IL1RAPL2: variants seen among roughly 807,000 people sequenced by gnomAD.
IL1RAPL2 encodes interleukin 1 receptor accessory protein like 2.
A neutral mutation model predicts 44.1 loss-of-function variants in IL1RAPL2; 3 were observed. That is an observed-to-expected ratio of 0.07 (90% CI 0.03 to 0.18). The LOEUF is 0.18. Ranked by LOEUF, IL1RAPL2 falls within the 10% of genes least tolerant of loss-of-function variation. IL1RAPL2 has a pLI of 1.00. For missense variants in IL1RAPL2, 391 were observed against 496.4 expected (o/e 0.79, Z 2.02); for synonymous variants, 181 against 178.8 (o/e 1.01, Z -0.10).
chrX:105,327,181 T>G lies in IL1RAPL2; in HGVS notation c.697+59640T>G, dbSNP rs368754473. ...TTGTGTCCCTGCCATGCTCAGTCAT[T>G]GGCTGGGGGAAGCCTGTGGGACACA... is the stretch of plus-strand genomic sequence containing the variant. On this transcript the variant is annotated intron_variant, in intron 5 of 10. Transcript: ENST00000372582. Among the ~76,000 whole-genome samples the G allele has an allele frequency of 9.8e-5, 11 of 112,130 alleles. 2 individuals are homozygous for G. The highest frequency in any genetic ancestry group is 3.8e-4 in the Admixed American group (4 of 10,551).
chrX:104,805,426 T>C (rs1932915744), intron 2 of IL1RAPL2, among the ~76,000 whole-genome samples: 1 of 112,163 alleles, frequency 8.9e-6, no homozygotes, highest in Admixed American at 9.5e-5. Context: ...AATTTGATAG[T>C]AATTTATCTT....
rs201566167 is a variant in IL1RAPL2 at position 105,740,533 on chromosome X, G to A, written c.903-13G>A. On this transcript the variant is annotated splice_polypyrimidine_tract_variant and intron_variant, in intron 7 of 10. Transcript: ENST00000372582. ...TCAAGCCAATTCAGCCAAGAATACC[G>A]TCTTTATTTCAGGCTTCTCAAAGAG... 843 of 1,205,288 alleles carry A rather than the reference G, an allele frequency of 7.0e-4. 4 individuals are homozygous for A. Among genetic ancestry groups the A allele is most frequent in the East Asian group, 9.8e-4 (33 of 33,650 alleles).
At chrX:105,018,539 T>C in intron 2 of IL1RAPL2, among the ~76,000 whole-genome samples, 1 of 111,524 alleles carries the variant, frequency 9.0e-6, no homozygotes, top group Non-Finnish European at 1.9e-5. Flanking sequence ...CAGTTTCATA[T>C]CCATAAACCA....
chrX:104,725,741 T>A (rs1178684109), intron 2 of IL1RAPL2, among the ~76,000 whole-genome samples: 1 of 112,095 alleles, frequency 8.9e-6, no homozygotes, highest in African/African-American at 3.2e-5. Flanking sequence ...GTATGTTTTT[T>A]TCTTGTAAAT....
In IL1RAPL2 at chrX:105,305,034, T is replaced by C. The variant is rs183190249; in HGVS notation, c.697+37493T>C. ...GGGGGAGGGAAGGTGCTACACACTT[T>C]TAAATGACCAGATCTCATGAAAACT... On this transcript the variant is annotated intron_variant, in intron 5 of 10. Transcript: ENST00000372582. Among the ~76,000 whole-genome samples, 836 of 110,908 alleles carry C rather than the reference T, an allele frequency of 7.5e-3. 4 individuals are homozygous for C. The highest frequency in any genetic ancestry group is 0.011 in the Non-Finnish European group (556 of 52,943).
intron 6 of IL1RAPL2, among the ~76,000 whole-genome samples, chrX:105,485,714 C>T (rs915127648): frequency 1.8e-5 from 2 of 111,803 alleles, no homozygotes; most frequent in Non-Finnish European, 3.8e-5. Flanking sequence ...TGAAATTCGT[C>T]TTTCTGTGCA....
rs1463687683 is a variant in IL1RAPL2, at chrX:105,755,477, T to TCCCATATGC, written c.1363+132_1363+140dup. The TCCCATATGC allele has an allele frequency of 7.0e-4, 300 of 430,023 alleles. 1 individual carries two copies. Among genetic ancestry groups the TCCCATATGC allele is most frequent in the African/African-American group, 6.9e-3 (280 of 40,555 alleles). 35.4% of individuals were successfully genotyped at this position (430,023 alleles called of 1,213,427 possible). On this transcript the variant is annotated intron_variant, in intron 10 of 10. Coordinates refer to ENST00000372582, the MANE Select transcript of IL1RAPL2 (RefSeq NM_017416.2). ...GTAGAGTTTCTTAAATCCAAATTTT[T>TCCCATATGC]CCCATATGCCTGTGTTCTGACTTTC... is the stretch of plus-strand genomic sequence containing the variant.
intron 2 of IL1RAPL2, among the ~76,000 whole-genome samples, chrX:105,086,617 C>G (rs1384947070): frequency 9.1e-6 from 1 of 110,149 alleles, no homozygotes; most frequent in Non-Finnish European, 1.9e-5. Flanking sequence ...CAGTAAATTT[C>G]AAATGTTCTT....
At chrX:105,034,123 A>G (rs953567094) in intron 2 of IL1RAPL2, among the ~76,000 whole-genome samples, 10 of 111,115 alleles carry the variant, frequency 9.0e-5, no homozygotes, top group Admixed American at 3.8e-4. Flanking sequence ...GTATCCATTC[A>G]TCTAATTTTT....
At chrX:105,428,583 A>G (rs893113320) in intron 5 of IL1RAPL2, among the ~76,000 whole-genome samples, 19 of 111,811 alleles carry the variant, frequency 1.7e-4, no homozygotes, top group Middle Eastern at 4.6e-3. Context: ...CATTTAGCAA[A>G]TGAAAACAAT....
At chrX:104,952,373 C>T (rs985638679) in intron 2 of IL1RAPL2, among the ~76,000 whole-genome samples, 2 of 111,752 alleles carry the variant, frequency 1.8e-5, no homozygotes, top group Non-Finnish European at 3.8e-5. Flanking sequence ...ATGCCTCAAG[C>T]ATCTATAGGT....
intron 4 of IL1RAPL2, among the ~76,000 whole-genome samples, chrX:105,240,714 A>C (rs1272639884): frequency 8.9e-6 from 1 of 112,526 alleles, no homozygotes; most frequent in Non-Finnish European, 1.9e-5. Flanking sequence ...ATAAATTAAC[A>C]TAATAACCAT....
intron 6 of IL1RAPL2, among the ~76,000 whole-genome samples, chrX:105,647,417 A>G (rs918965771): frequency 4.5e-5 from 5 of 111,819 alleles, no homozygotes; most frequent in African/African-American, 1.6e-4. Flanking sequence ...TATCCCGATC[A>G]TTGTCCCTCC....
intron 2 of IL1RAPL2, among the ~76,000 whole-genome samples, chrX:105,103,639 G>A (rs2032699978): frequency 8.9e-6 from 1 of 111,850 alleles, no homozygotes; most frequent in African/African-American, 3.3e-5. Flanking sequence ...CTGGGCCTAT[G>A]GATACATAAA....
intron 6 of IL1RAPL2, among the ~76,000 whole-genome samples, chrX:105,670,590 C>T (rs935644079): frequency 9.7e-5 from 10 of 102,606 alleles, no homozygotes; most frequent in African/African-American, 3.2e-4. Context: ...TGAGCCACCG[C>T]GCCCGGCCAA....
At chrX:105,350,696 C>T (rs904871648) in intron 5 of IL1RAPL2, among the ~76,000 whole-genome samples, 3 of 112,086 alleles carry the variant, frequency 2.7e-5, no homozygotes, top group African/African-American at 9.7e-5. Flanking sequence ...CGCACTCCAG[C>T]CTGGGCAACA....
chrX:105,252,029 T>A (rs775110653), intron 4 of IL1RAPL2, among the ~76,000 whole-genome samples: 1 of 111,331 alleles, frequency 9.0e-6, no homozygotes, highest in South Asian at 3.7e-4. Context: ...GTATACACCA[T>A]AGTCAAGATA....
At chrX:104,621,456 T>G (rs1186914818) in intron 1 of IL1RAPL2, among the ~76,000 whole-genome samples, 2 of 108,593 alleles carry the variant, frequency 1.8e-5, no homozygotes, top group African/African-American at 6.7e-5. Flanking sequence ...CCTGCTCCCC[T>G]GAGAAAGTGG....
chrX:105,212,737 G>A (rs2033818559), intron 3 of IL1RAPL2, among the ~76,000 whole-genome samples: 1 of 112,101 alleles, frequency 8.9e-6, no homozygotes, highest in Non-Finnish European at 1.9e-5. Flanking sequence ...GCTCCAGCTG[G>A]CATCAGGTTG....
Sources: allele counts gnomAD v4.1 joint callset (sites outside exome capture counted in the v4.1 genomes callset), GRCh38; gene constraint gnomAD v4.1.1; transcripts MANE v1.5; gene names NCBI Gene and HGNC (gene_info 2026-07-23, HGNC 2026-07-21).